The following RFX4 variants were observed in gnomAD, a reference collection of about 807,000 sequenced individuals.
The protein encoded by RFX4 is regulatory factor X4.
In RFX4, 10 loss-of-function variants were observed where a neutral mutation model predicts 95.0. The ratio of observed to expected loss-of-function variants is 0.11; its 90% confidence interval spans 0.06 to 0.18. The LOEUF (loss-of-function observed/expected upper bound fraction) is 0.18, where lower values mean the gene tolerates loss of function less well. RFX4 is among the 10% of genes least tolerant of loss of function. The pLI, the probability that RFX4 is intolerant of heterozygous loss-of-function variation, is 1.00. For synonymous variants in RFX4, 321 were observed against 340.7 expected, an observed-to-expected ratio of 0.94 and a Z score of 0.64; for missense variants, 640 against 922.0, an observed-to-expected ratio of 0.69 and a Z score of 3.96.
intron 5 of RFX4, among the ~76,000 whole-genome samples, chr12:106,685,261 A>G (rs571914231): frequency 7.3e-5 from 11 of 151,258 alleles, no homozygotes; most frequent in Non-Finnish European, 1.3e-4. Context: ...GGATATTTTA[A>G]TATGTTTTGT....
intron 3 of RFX4, among the ~76,000 whole-genome samples, chr12:106,642,792 C>G (rs1016901895): frequency 6.6e-6 from 1 of 152,068 alleles, no homozygotes; most frequent in African/African-American, 2.4e-5. Flanking sequence ...TGTATGACAC[C>G]ATGACAGTGT....
At chr12:106,748,435 C>T (rs975639095) in intron 16 of RFX4, among the ~76,000 whole-genome samples, 1 of 152,134 alleles carries the variant, frequency 6.6e-6, no homozygotes, top group Non-Finnish European at 1.5e-5. Context: ...TAGGTTCTAG[C>T]GGTGTTTTAT....
rs10467029 is a variant in RFX4, at chr12:106,684,670, C to G, written c.378-2214C>G. On this transcript the variant is annotated intron_variant, in intron 5 of 17. Transcript: ENST00000392842. ...TAACTGTCATCCCACCTGAAGCCAC[C>G]GGAACCATGCTCCTCCCCCACCCAC... The G allele has an allele frequency of 5.2e-5, 76 of 1,448,004 alleles. 3 individuals carry two copies. The South Asian group carries it at 1.0e-3, about 19-fold the overall frequency. 89.7% of individuals were successfully genotyped at this position (1,448,004 alleles called of 1,614,324 possible).
chr12:106,612,633 T>C (rs1045106548), intron 2 of RFX4, among the ~76,000 whole-genome samples: 3 of 151,968 alleles, frequency 2.0e-5, no homozygotes, highest in African/African-American at 7.3e-5. Context: ...AGGTCAGGAG[T>C]TCGAAACCAG....
rs2137153822 is a variant in RFX4 at position 106,583,282 on chromosome 12, G to A, written c.-39G>A. The A allele has an allele frequency of 1.3e-6, 2 of 1,520,624 alleles. No individual in the cohort carries two copies. Among genetic ancestry groups the A allele is most frequent in the East Asian group, 2.6e-5 (1 of 38,062 alleles). The allele number at this position is 1,520,624 out of a possible 1,614,324, so 94.2% of individuals were successfully genotyped here. A position where few individuals can be genotyped will look rare whatever the true frequency, so the allele number is the denominator to read the frequency against. On this transcript the variant is annotated 5_prime_UTR_variant, in exon 1 of 18. Coordinates refer to ENST00000392842, the MANE Select transcript of RFX4 (RefSeq NM_213594.3). ...TAGCACAGGGGATCCCCAAACATCA[G>A]GACTTTTGGGGGGCGCCTGTGCTGT... is the stretch of plus-strand genomic sequence containing the variant.
chr12:106,722,274 A>G (rs1192389022), intron 13 of RFX4, among the ~76,000 whole-genome samples: 5 of 152,242 alleles, frequency 3.3e-5, no homozygotes, highest in Admixed American at 2.0e-4. Context: ...ACAATATCAC[A>G]CACAAACACA....
chr12:106,759,038 C>T (rs2043163265), intron 17 of RFX4, among the ~76,000 whole-genome samples: 1 of 152,212 alleles, frequency 6.6e-6, no homozygotes, highest in African/African-American at 2.4e-5. Context: ...TTGAACACAG[C>T]AAAGCCCCAT....
intron 3 of RFX4, 31 bp from the exon 4 acceptor site, chr12:106,654,197 T>C (rs1275976725): frequency 6.2e-7 from 1 of 1,613,420 alleles, no homozygotes; most frequent in Admixed American, 1.7e-5. Flanking sequence ...AGGTAACACA[T>C]TTTTTGCTCA....
At chr12:106,592,636 C>T (rs1388169604) in intron 1 of RFX4, among the ~76,000 whole-genome samples, 2 of 151,652 alleles carry the variant, frequency 1.3e-5, no homozygotes, top group Non-Finnish European at 2.9e-5. Context: ...CCCCCTCAAC[C>T]ACCCAACCCT....
At chr12:106,623,140 A>G (rs754977069) in intron 2 of RFX4, among the ~76,000 whole-genome samples, 1 of 143,930 alleles carries the variant, frequency 6.9e-6, no homozygotes, top group Admixed American at 7.2e-5. Context: ...CCGGGTTCAC[A>G]CCATTCTCCT....
chr12:106,747,933 A>AAC (rs1252530317), intron 16 of RFX4, among the ~76,000 whole-genome samples: 2 of 151,620 alleles, frequency 1.3e-5, no homozygotes, highest in Admixed American at 1.3e-4. Context: ...GTCTTAAAAA[A>AAC]AAAAAAAAAA....
At chr12:106,635,222 G>T (rs2040486925) in intron 2 of RFX4, among the ~76,000 whole-genome samples, 1 of 152,154 alleles carries the variant, frequency 6.6e-6, no homozygotes, top group Admixed American at 6.6e-5. Flanking sequence ...GCCAGTTTTA[G>T]GGGGAACAAA....
At chr12:106,690,483 C>T (rs535560898) in intron 7 of RFX4, among the ~76,000 whole-genome samples, 118 of 152,258 alleles carry the variant, frequency 7.7e-4, no homozygotes, top group African/African-American at 2.1e-3. Flanking sequence ...ATACTAGCTG[C>T]TGTAACAAAT....
At chr12:106,750,392 A>C (rs2042977298) in intron 16 of RFX4, among the ~76,000 whole-genome samples, 1 of 150,810 alleles carries the variant, frequency 6.6e-6, no homozygotes, top group South Asian at 2.1e-4. Flanking sequence ...CAGGAGAATC[A>C]TTTGAACCCA....
intron 17 of RFX4, among the ~76,000 whole-genome samples, chr12:106,756,447 C>T (rs2043110085): frequency 6.6e-6 from 1 of 152,198 alleles, no homozygotes; most frequent in African/African-American, 2.4e-5. Flanking sequence ...GCCTTATCAG[C>T]TAATCACCCC....
intron 17 of RFX4, 127 bp downstream of exon 17, chr12:106,750,920 C>CTTTATGTA (rs1555237754): frequency 1.6e-6 from 1 of 612,374 alleles, no homozygotes; most frequent in Non-Finnish European, 2.3e-6. Context: ...AGAGGACAGT[C>CTTTATGTA]TTTATTTATT....
Position 106,720,756 on chromosome 12 carries a change from T to C in RFX4, c.1234-3T>C. 1.2e-6 allele frequency: 2 copies of C among 1,613,684 alleles called. No homozygotes were observed. Among genetic ancestry groups the C allele is most frequent in the Non-Finnish European group, 1.7e-6 (2 of 1,179,678 alleles). On this transcript the variant is annotated splice_polypyrimidine_tract_variant and splice_region_variant and intron_variant, in intron 12 of 17. Coordinates refer to ENST00000392842, the MANE Select transcript of RFX4 (RefSeq NM_213594.3). The surrounding 1 kb of genome is among the most constrained non-coding windows in gnomAD (Gnocchi z 4.2). ...ACTATTAAAGCCATTTACTTTCTTG[T>C]AGGTGGCTGCCAAGAGACAAGGGTC...
At chr12:106,753,494 C>G (rs910882509) in intron 17 of RFX4, among the ~76,000 whole-genome samples, 3 of 152,128 alleles carry the variant, frequency 2.0e-5, no homozygotes, top group South Asian at 4.1e-4. Context: ...CGCACGGAGA[C>G]CCTAAGCTCC....
At chr12:106,661,886 C>G (rs553690977) in intron 4 of RFX4, among the ~76,000 whole-genome samples, 31 of 152,282 alleles carry the variant, frequency 2.0e-4, no homozygotes, top group African/African-American at 7.5e-4. Flanking sequence ...TCTTTTGTGG[C>G]TTGACAGCAC....
Sources: gnomAD v4.1 joint callset for allele counts (sites outside exome capture counted in the v4.1 genomes callset) on GRCh38, gnomAD v4.1.1 for gene constraint, Gnocchi (gnomAD v3.1) non-coding constraint, MANE v1.5 for transcripts, NCBI Gene and HGNC (gene_info 2026-07-23, HGNC 2026-07-21) for gene names.